RPS6KC1: variants seen among roughly 807,000 people sequenced by gnomAD.
RPS6KC1 encodes ribosomal protein S6 kinase C1.
RPS6KC1 carries 54 observed loss-of-function variants against 103.8 expected under a neutral mutation model. The ratio of observed to expected loss-of-function variants is 0.52; its 90% CI spans 0.42 to 0.65. The LOEUF is 0.65. Among genes scored for constraint, RPS6KC1 ranks in the 30% least tolerant of loss-of-function variants. The probability of loss-of-function intolerance (pLI) is 0.00; values close to 1 mark genes in which losing one functional copy is unlikely to be tolerated. For missense variants in RPS6KC1, 1,151 were observed against 1,253.8 expected, an observed-to-expected ratio of 0.92 and a Z score of 1.24; for synonymous variants, 439 against 438.7, an observed-to-expected ratio of 1.00 and a Z score of -0.01.
intron 3 of RPS6KC1, among the ~76,000 whole-genome samples, chr1:213,086,259 T>G (rs563237595): frequency 6.6e-6 from 1 of 152,292 alleles, no homozygotes; most frequent in East Asian, 1.9e-4. Context: ...GGATGCCTAG[T>G]GGTACTCATC....
the RPS6KC1 span, among the ~76,000 whole-genome samples, chr1:213,359,978 C>T: frequency 1.2e-4 from 18 of 152,282 alleles, no homozygotes; most frequent in Non-Finnish European, 1.8e-4. Context: ...TTCTCTCTGG[C>T]TGCCCTTAAC....
At chr1:213,776,024 A>G in the RPS6KC1 span, among the ~76,000 whole-genome samples, 12 of 152,176 alleles carry the variant, frequency 7.9e-5, no homozygotes, top group African/African-American at 2.7e-4. Flanking sequence ...GCAGCAACTC[A>G]GTCATATTTT....
the RPS6KC1 span, among the ~76,000 whole-genome samples, chr1:213,568,731 A>T: frequency 6.6e-6 from 1 of 152,258 alleles, no homozygotes; most frequent in East Asian, 1.9e-4. Flanking sequence ...GTTACATGTT[A>T]GCAAATAATG....
At chr1:213,479,483 C>A in the RPS6KC1 span, among the ~76,000 whole-genome samples, 1 of 151,978 alleles carries the variant, frequency 6.6e-6, no homozygotes, top group East Asian at 1.9e-4. Context: ...TCTCCGATTA[C>A]TTTCGAGGCA....
chr1:213,276,458 TG>T (rs1258032313), downstream of RPS6KC1, among the ~76,000 whole-genome samples: 2 of 152,228 alleles, frequency 1.3e-5, no homozygotes, highest in African/African-American at 4.8e-5. Flanking sequence ...GTCATGTCTC[TG>T]TGACTAATTA....
the RPS6KC1 span, among the ~76,000 whole-genome samples, chr1:213,548,615 C>T: frequency 3.9e-5 from 6 of 152,120 alleles, no homozygotes; most frequent in Non-Finnish European, 7.4e-5. Context: ...CAGCCTAGAT[C>T]GTGCCACTGC....
At chr1:213,700,240 AG>A in the RPS6KC1 span, among the ~76,000 whole-genome samples, 1 of 151,910 alleles carries the variant, frequency 6.6e-6, no homozygotes, top group African/African-American at 2.4e-5. Context: ...GGTGAGAGAT[AG>A]GGGTTTCGTT....
chr1:213,849,086 G>T, the RPS6KC1 span, among the ~76,000 whole-genome samples: 1 of 152,334 alleles, frequency 6.6e-6, no homozygotes, highest in Middle Eastern at 3.4e-3. Flanking sequence ...GGAATGAGGA[G>T]TGAGGAATCT....
At chr1:213,606,841 A>G in the RPS6KC1 span, among the ~76,000 whole-genome samples, 2 of 152,218 alleles carry the variant, frequency 1.3e-5, no homozygotes, top group Non-Finnish European at 2.9e-5. Context: ...TAATAATGAT[A>G]AAGGATAAGA....
chr1:213,256,927 G>A (rs140019692), intron 12 of RPS6KC1, among the ~76,000 whole-genome samples: 260 of 152,274 alleles, frequency 1.7e-3, no homozygotes, highest in Middle Eastern at 3.4e-3. Context: ...GAGGTGATAC[G>A]AAATGAGTAT....
intron 1 of RPS6KC1, among the ~76,000 whole-genome samples, chr1:213,061,164 A>G (rs572456874): frequency 6.6e-6 from 1 of 152,290 alleles, no homozygotes; most frequent in East Asian, 1.9e-4. Flanking sequence ...ATCCACATCC[A>G]TCACATTGGG....
intron 3 of RPS6KC1, among the ~76,000 whole-genome samples, chr1:213,080,118 A>G (rs925214638): frequency 6.6e-6 from 1 of 151,822 alleles, no homozygotes; most frequent in Non-Finnish European, 1.5e-5. Flanking sequence ...GAGTTTCGCC[A>G]TGTTGGACAG....
chr1:213,446,632 AGT>A, the RPS6KC1 span, among the ~76,000 whole-genome samples: 4 of 152,260 alleles, frequency 2.6e-5, no homozygotes, highest in African/African-American at 9.6e-5. Flanking sequence ...TACCTAGATG[AGT>A]GTTTGATTTT....
the RPS6KC1 span, among the ~76,000 whole-genome samples, chr1:213,784,891 T>C: frequency 2.6e-5 from 4 of 152,324 alleles, no homozygotes; most frequent in East Asian, 5.8e-4. Context: ...ACATCCTCCT[T>C]CTTCCCTAGC....
At chr1:213,052,935 A>G (rs2077065815) in intron 1 of RPS6KC1, among the ~76,000 whole-genome samples, 1 of 152,206 alleles carries the variant, frequency 6.6e-6, no homozygotes. Context: ...AAATGTGAGA[A>G]GGAGGGATAG....
chr1:213,176,245 T>C (rs1374402533), intron 7 of RPS6KC1, among the ~76,000 whole-genome samples, 155 bp from the exon 8 acceptor site: 1 of 152,216 alleles, frequency 6.6e-6, no homozygotes, highest in African/African-American at 2.4e-5. Flanking sequence ...TTTAAAAATT[T>C]TATATTACAG....
chr1:213,342,131 G>C, the RPS6KC1 span, among the ~76,000 whole-genome samples: 1 of 152,180 alleles, frequency 6.6e-6, no homozygotes, highest in Non-Finnish European at 1.5e-5. Context: ...TTCCTGCTTA[G>C]GTGGGATGTG....
chr1:213,772,207 C>T, the RPS6KC1 span, among the ~76,000 whole-genome samples: 4 of 152,154 alleles, frequency 2.6e-5, no homozygotes, highest in African/African-American at 7.2e-5. Flanking sequence ...CACTCAGAGG[C>T]CCATTATGCA....
the RPS6KC1 span, among the ~76,000 whole-genome samples, chr1:213,334,073 G>T: frequency 2.6e-4 from 39 of 152,214 alleles, no homozygotes; most frequent in Admixed American, 2.6e-3. Flanking sequence ...GGGGGCAGTG[G>T]CTGGAAACCT....
Sources: gnomAD v4.1 joint callset for allele counts (sites outside exome capture counted in the v4.1 genomes callset) on GRCh38, gnomAD v4.1.1 for gene constraint, MANE v1.5 for transcripts, NCBI Gene and HGNC (gene_info 2026-07-23, HGNC 2026-07-21) for gene names.